DDX10: variants seen among roughly 807,000 people sequenced by gnomAD.
DDX10 encodes probable ATP-dependent RNA helicase DDX10.
Under a neutral mutation model 104.3 loss-of-function variants are expected in DDX10, and 74 were observed. That is an observed-to-expected ratio of 0.71 (90% CI 0.59 to 0.86). The LOEUF is 0.86. Among genes scored for constraint, DDX10 ranks in the 40% least tolerant of loss-of-function variants. The pLI, the probability that DDX10 is intolerant of heterozygous loss-of-function variation, is 0.00. For missense variants in DDX10, 952 were observed against 1,040.0 expected (o/e 0.92, Z 1.16); for synonymous variants, 351 against 353.4 (o/e 0.99, Z 0.08).
At chr11:108,738,354 T>C (rs566814157) in intron 13 of DDX10, among the ~76,000 whole-genome samples, 28 of 152,072 alleles carry the variant, frequency 1.8e-4, no homozygotes, top group Middle Eastern at 3.4e-3. Context: ...CTGAATTTAC[T>C]CTACTTACTC....
intron 6 of DDX10, among the ~76,000 whole-genome samples, chr11:108,681,796 T>C (rs1410418375): frequency 6.6e-6 from 1 of 152,238 alleles, no homozygotes; most frequent in Non-Finnish European, 1.5e-5. Context: ...TGGTGGATTA[T>C]GAAAAATTTC....
chr11:108,890,936 A>AGCAGGCTTCTGCTCTAGTGCAT (rs1451352594), intron 16 of DDX10, among the ~76,000 whole-genome samples: 4 of 152,270 alleles, frequency 2.6e-5, no homozygotes, highest in African/African-American at 7.2e-5. Context: ...TTCCCCTCCC[A>AGCAGGCTTCTGCTCTAGTGCAT]GCAGGCTTCT....
At chr11:108,927,345 A>G (rs1347889148) in intron 17 of DDX10, among the ~76,000 whole-genome samples, 1 of 152,244 alleles carries the variant, frequency 6.6e-6, no homozygotes, top group African/African-American at 2.4e-5. Context: ...GAAGAAATGC[A>G]GCTGCCACAG....
chr11:108,676,238 C>T (rs1267400345), intron 3 of DDX10, among the ~76,000 whole-genome samples: 1 of 152,160 alleles, frequency 6.6e-6, no homozygotes, highest in Non-Finnish European at 1.5e-5. Context: ...CTTTCACTTC[C>T]ATCTCTGTTA....
intron 16 of DDX10, among the ~76,000 whole-genome samples, chr11:108,890,605 A>G (rs1205333567): frequency 3.3e-5 from 5 of 151,660 alleles, no homozygotes; most frequent in South Asian, 4.2e-4. Flanking sequence ...GCATAGGGGT[A>G]GGTTCAGAAA....
At chr11:108,795,847 G>T (rs533097883) in intron 13 of DDX10, among the ~76,000 whole-genome samples, 3 of 152,008 alleles carry the variant, frequency 2.0e-5, no homozygotes, top group African/African-American at 7.2e-5. Flanking sequence ...TAATCCTTTG[G>T]GTATATACCC....
chr11:108,801,542 T>G (rs1862020595), intron 13 of DDX10, among the ~76,000 whole-genome samples: 1 of 152,210 alleles, frequency 6.6e-6, no homozygotes, highest in Non-Finnish European at 1.5e-5. Context: ...ATCCTGATCA[T>G]AAGCAAATTT....
chr11:108,903,974 A>T (rs1472103751), intron 16 of DDX10, among the ~76,000 whole-genome samples: 3 of 152,088 alleles, frequency 2.0e-5, no homozygotes, highest in Non-Finnish European at 2.9e-5. Context: ...TAACTTTATG[A>T]TTAATTTTTT....
intron 13 of DDX10, among the ~76,000 whole-genome samples, chr11:108,798,831 CT>C (rs371143799): frequency 7.4e-5 from 11 of 148,456 alleles, no homozygotes; most frequent in African/African-American, 1.5e-4. Context: ...TTTTTGGAAT[CT>C]TTTTTTTTTC....
chr11:108,878,739 C>T (rs182326503), intron 16 of DDX10, among the ~76,000 whole-genome samples: 60 of 151,534 alleles, frequency 4.0e-4, no homozygotes, highest in Admixed American at 5.9e-4. Context: ...ATTTGGTTGC[C>T]AAGGCCATAT....
At chr11:108,922,081 T>C (rs1325800473) in intron 17 of DDX10, 2 of 136,668 alleles carry the variant, frequency 1.5e-5, no homozygotes, top group African/African-American at 2.8e-5. Flanking sequence ...CTGTCTCTAT[T>C]AAAAATACAA....
chr11:108,790,749 T>C (rs987035950), intron 13 of DDX10, among the ~76,000 whole-genome samples: 2 of 151,934 alleles, frequency 1.3e-5, no homozygotes, highest in African/African-American at 2.4e-5. Context: ...TGCCACTTCA[T>C]GGTCTCTCTT....
intron 13 of DDX10, among the ~76,000 whole-genome samples, chr11:108,836,259 A>G (rs1862554322): frequency 6.6e-6 from 1 of 152,230 alleles, no homozygotes; most frequent in Non-Finnish European, 1.5e-5. Flanking sequence ...ATGTAACTAG[A>G]TACTATAGCT....
intron 13 of DDX10, among the ~76,000 whole-genome samples, chr11:108,744,325 A>T (rs2094328809): frequency 1.3e-5 from 2 of 152,164 alleles, no homozygotes; most frequent in African/African-American, 4.8e-5. Context: ...GAGGCCATTT[A>T]TGTCCCTCGT....
At chr11:108,897,601 G>A (rs1406715199) in intron 16 of DDX10, among the ~76,000 whole-genome samples, 3 of 152,118 alleles carry the variant, frequency 2.0e-5, no homozygotes, top group East Asian at 3.9e-4. Flanking sequence ...AGATGGAGTG[G>A]CGTTCTTTGC....
intron 6 of DDX10, among the ~76,000 whole-genome samples, chr11:108,683,021 T>C (rs1266518177): frequency 6.6e-6 from 1 of 152,230 alleles, no homozygotes; most frequent in Non-Finnish European, 1.5e-5. Context: ...CAGGTTGTCT[T>C]GATCTGGTCT....
intron 13 of DDX10, among the ~76,000 whole-genome samples, chr11:108,776,174 T>C (rs1196196391): frequency 6.6e-6 from 1 of 152,192 alleles, no homozygotes; most frequent in African/African-American, 2.4e-5. Flanking sequence ...ATCAAAGCTC[T>C]TCTAATTTGG....
chr11:108,874,192 G>T (rs1375326104), intron 16 of DDX10, among the ~76,000 whole-genome samples: 3 of 152,212 alleles, frequency 2.0e-5, no homozygotes, highest in Admixed American at 2.0e-4. Flanking sequence ...AAAATACCGT[G>T]TGTGATGATG....
chr11:108,724,901 G>C (rs940804121), intron 13 of DDX10, among the ~76,000 whole-genome samples: 1 of 152,092 alleles, frequency 6.6e-6, no homozygotes, highest in African/African-American at 2.4e-5. Flanking sequence ...AATATATACA[G>C]TTTGAGTTTT....
Sources: allele counts gnomAD v4.1 joint callset (sites outside exome capture counted in the v4.1 genomes callset), GRCh38; gene constraint gnomAD v4.1.1; transcripts MANE v1.5; gene names NCBI Gene and HGNC (gene_info 2026-07-23, HGNC 2026-07-21).